Variants in NELL2 observed in about 807,000 individuals in gnomAD.
NELL2 encodes the protein neural EGFL like 2.
NELL2 carries 41 observed loss-of-function variants against 109.6 expected under a neutral mutation model. The observed-to-expected ratio is 0.37, with a 90% confidence interval of 0.29 to 0.49. The LOEUF is 0.49. Ranked by LOEUF, NELL2 falls within the 20% of genes least tolerant of loss-of-function variation. The pLI, the probability that NELL2 is intolerant of heterozygous loss-of-function variation, is 0.98. For synonymous variants in NELL2, 355 were observed against 344.7 expected (o/e 1.03, Z -0.33); for missense variants, 900 against 1,008.3 (o/e 0.89, Z 1.45).
intron 9 of NELL2, among the ~76,000 whole-genome samples, chr12:44,737,882 T>C (rs1939735107): frequency 1.4e-5 from 2 of 147,296 alleles, no homozygotes; most frequent in Admixed American, 1.3e-4. Flanking sequence ...GGGCAAACGG[T>C]TGGCTGCAAA....
At chr12:44,524,171 C>T (rs1257835743) in intron 16 of NELL2, among the ~76,000 whole-genome samples, 1 of 152,210 alleles carries the variant, frequency 6.6e-6, no homozygotes, top group Non-Finnish European at 1.5e-5. Context: ...TGTCCCCTGT[C>T]TAACTCAACT....
At chr12:44,714,497 G>T (rs989064960) in intron 10 of NELL2, among the ~76,000 whole-genome samples, 153 bp downstream of exon 10, 5 of 151,934 alleles carry the variant, frequency 3.3e-5, no homozygotes, top group Non-Finnish European at 7.4e-5. Flanking sequence ...TTAAAAATGA[G>T]AATTTCTTTA....
At chr12:44,724,722 C>T (rs143524137) in intron 9 of NELL2, among the ~76,000 whole-genome samples, 1,703 of 149,358 alleles carry the variant, frequency 0.011, 19 homozygotes, top group Non-Finnish European at 0.019. Context: ...ATAAAACTAC[C>T]AATGACATTC....
At chr12:44,569,079 C>T (rs563428350) in intron 15 of NELL2, among the ~76,000 whole-genome samples, 15 of 152,076 alleles carry the variant, frequency 9.9e-5, no homozygotes, top group Admixed American at 5.2e-4. Flanking sequence ...TTTTCCTCTA[C>T]GTGTCAATGT....
rs1009974195 is a variant in NELL2 at position 44,523,643 on chromosome 12, T to A, written c.1805-159A>T. 3 of 617,074 alleles carry A rather than the reference T, an allele frequency of 4.9e-6. No individual in the cohort carries two copies. The African/African-American group carries it at 5.5e-5, about 11-fold the overall frequency. The allele number at this position is 617,074 out of a possible 1,614,324, so 38.2% of individuals were successfully genotyped here. A position where few individuals can be genotyped will look rare whatever the true frequency, so the allele number is the denominator to read the frequency against. On this transcript the variant is annotated intron_variant, in intron 16 of 19. Coordinates refer to ENST00000429094, the MANE Select transcript of NELL2 (RefSeq NM_001145108.2). ...TGATTAAATGTTGACTAAAGCAATG[T>A]TAATGATCTGGGGATTTCACAGGAA...
intron 2 of NELL2, 24 bp downstream of exon 2, chr12:44,875,201 G>T: frequency 6.2e-7 from 1 of 1,601,608 alleles, no homozygotes; most frequent in Non-Finnish European, 8.5e-7. Context: ...AAATCACAGT[G>T]GGGATGCAGC....
At chr12:44,689,767 A>G (rs751934374) in intron 12 of NELL2, among the ~76,000 whole-genome samples, 2 of 152,210 alleles carry the variant, frequency 1.3e-5, no homozygotes, top group Non-Finnish European at 2.9e-5. Context: ...GGGCTGGCAC[A>G]GGTGTACTAC....
intron 2 of NELL2, among the ~76,000 whole-genome samples, chr12:44,845,679 A>T (rs113921340): frequency 1.8e-4 from 28 of 152,336 alleles, no homozygotes; most frequent in African/African-American, 6.0e-4. Context: ...GAAATGACCC[A>T]AAGCTAACAA....
intron 2 of NELL2, among the ~76,000 whole-genome samples, chr12:44,873,371 T>C (rs1592690874): frequency 1.3e-5 from 2 of 152,230 alleles, no homozygotes; most frequent in African/African-American, 2.4e-5. Context: ...AACACCTACC[T>C]TGAAGAATTT....
intron 2 of NELL2, among the ~76,000 whole-genome samples, chr12:44,868,119 C>CAAAAAAAA (rs34038469): frequency 6.2e-5 from 4 of 64,662 alleles, no homozygotes; most frequent in Admixed American, 2.1e-4. Context: ...GGCTCCATCT[C>CAAAAAAAA]AAAAAAAAAA....
chr12:44,779,502 T>C (rs879455781), intron 5 of NELL2, among the ~76,000 whole-genome samples, 161 bp downstream of exon 5: 13 of 152,170 alleles, frequency 8.5e-5, no homozygotes, highest in African/African-American at 3.1e-4. Flanking sequence ...AAAATAATGT[T>C]TGCTGGCTAA....
intron 1 of NELL2, among the ~76,000 whole-genome samples, chr12:44,893,001 A>G (rs938120617): frequency 1.9e-4 from 29 of 152,180 alleles, no homozygotes; most frequent in Admixed American, 1.8e-3. Context: ...TGTGATTCAC[A>G]ATACTCTATC....
chr12:44,668,487 A>G (rs1476016534), intron 12 of NELL2, among the ~76,000 whole-genome samples: 3 of 152,008 alleles, frequency 2.0e-5, no homozygotes, highest in Non-Finnish European at 4.4e-5. Flanking sequence ...GATCCATCCT[A>G]CCTACCACAG....
In NELL2 at chr12:44,876,198, A is replaced by C. The variant is rs1039324139; in HGVS notation, c.-329T>G. 1.6e-6 allele frequency: 2 copies of C among 1,213,970 alleles called. No individual in the cohort carries two copies. The highest frequency in any genetic ancestry group is 2.1e-6 in the Non-Finnish European group (2 of 971,018). The allele number at this position is 1,213,970 out of a possible 1,614,324, so 75.2% of individuals were successfully genotyped here. On this transcript the variant is annotated 5_prime_UTR_variant, in exon 1 of 20. Coordinates refer to ENST00000429094, the MANE Select transcript of NELL2 (RefSeq NM_001145108.2). ...ATTAGCTCCCGAGCCGAATAAAAGC[A>C]GCCAAAGACTCGCACACCCGGTAGA...
chr12:44,521,926 G>T, intron 18 of NELL2, 74 bp downstream of exon 18: 1 of 1,469,896 alleles, frequency 6.8e-7, no homozygotes, highest in Non-Finnish European at 9.4e-7. Flanking sequence ...ATTGGCAGAT[G>T]GGGAGGACGA....
intron 15 of NELL2, among the ~76,000 whole-genome samples, chr12:44,543,335 C>T (rs184961493): frequency 1.5e-3 from 235 of 152,228 alleles, no homozygotes; most frequent in African/African-American, 5.4e-3. Flanking sequence ...TATCTAGAAT[C>T]TACTAATCAC....
chr12:44,645,580 T>A (rs1036743138), intron 13 of NELL2, among the ~76,000 whole-genome samples: 11 of 152,166 alleles, frequency 7.2e-5, no homozygotes, highest in Non-Finnish European at 1.5e-5. Flanking sequence ...TTTTCTTATT[T>A]TAAATCCCAA....
intron 12 of NELL2, among the ~76,000 whole-genome samples, chr12:44,666,165 T>C (rs893998762): frequency 6.6e-6 from 1 of 152,176 alleles, no homozygotes; most frequent in African/African-American, 2.4e-5. Context: ...AGAGACCTGA[T>C]ATAGATGAGA....
intron 15 of NELL2, among the ~76,000 whole-genome samples, chr12:44,578,876 C>G (rs1285826403): frequency 6.6e-6 from 1 of 152,058 alleles, no homozygotes; most frequent in Non-Finnish European, 1.5e-5. Context: ...TGCAAAGAAA[C>G]AGAAAAAGCC....
Sources: gnomAD v4.1 joint callset for allele counts (sites outside exome capture counted in the v4.1 genomes callset) on GRCh38, gnomAD v4.1.1 for gene constraint, MANE v1.5 for transcripts, NCBI Gene and HGNC (gene_info 2026-07-23, HGNC 2026-07-21) for gene names.